The following CADM1 variants were observed in gnomAD, a reference collection of about 807,000 sequenced individuals.
CADM1 encodes cell adhesion molecule 1.
CADM1 carries 15 observed loss-of-function variants against 53.1 expected under a neutral mutation model. That is an observed-to-expected ratio of 0.28 (90% CI 0.19 to 0.44). CADM1 has a LOEUF of 0.44. Among genes scored for constraint, CADM1 ranks in the 20% least tolerant of loss-of-function variants. CADM1 has a pLI of 1.00. For missense variants in CADM1, 434 were observed against 611.3 expected (o/e 0.71, Z 3.06); for synonymous variants, 281 against 243.0 (o/e 1.16, Z -1.45).
chr11:115,370,736 T>G (rs926887657), intron 1 of CADM1, among the ~76,000 whole-genome samples: 2 of 152,152 alleles, frequency 1.3e-5, no homozygotes, highest in African/African-American at 4.8e-5. Context: ...ACAGCTACAC[T>G]ATCTGTACAG....
intron 1 of CADM1, among the ~76,000 whole-genome samples, chr11:115,251,372 G>A (rs533855253): frequency 6.6e-6 from 1 of 151,144 alleles, no homozygotes; most frequent in African/African-American, 2.4e-5. Flanking sequence ...AGCAAGTAAG[G>A]ATATCAGTTG....
At chr11:115,459,194 G>T (rs943174743) in intron 1 of CADM1, among the ~76,000 whole-genome samples, 2 of 152,066 alleles carry the variant, frequency 1.3e-5, no homozygotes. Flanking sequence ...TCTGTATTCC[G>T]GTCAGTGATC....
At chr11:115,367,768 A>AG (rs1350791450) in intron 1 of CADM1, among the ~76,000 whole-genome samples, 4 of 152,060 alleles carry the variant, frequency 2.6e-5, no homozygotes, top group Admixed American at 2.6e-4. Context: ...AGAATTTCTT[A>AG]GAAAAAAAAA....
chr11:115,211,011 C>G (rs979680561), intron 7 of CADM1, among the ~76,000 whole-genome samples: 1 of 151,170 alleles, frequency 6.6e-6, no homozygotes, highest in Non-Finnish European at 1.5e-5. Context: ...TTTAAAGCAG[C>G]CTCACGTGAG....
Position 115,238,621 on chromosome 11 carries a change from A to G in CADM1, c.303T>C (p.Asn101=). The G allele has an allele frequency of 6.2e-7, 1 of 1,613,944 alleles. No homozygotes were observed. The highest frequency in any genetic ancestry group is 8.5e-7 in the Non-Finnish European group (1 of 1,179,854). Residue 101 remains asparagine, a synonymous_variant, in exon 3 of 12, where the codon AAT becomes AAC. Transcript: ENST00000331581. ...PLKDSRFQLL[N]FSSSELKVSL... Reference sequence around the variant, plus strand: ...ATACTTTGAGTTCACTGCTAGAAAAATTCAGCAACTGAAACCTGCTGTCCT... The same window carrying G: ...ATACTTTGAGTTCACTGCTAGAAAAGTTCAGCAACTGAAACCTGCTGTCCT...
intron 1 of CADM1, among the ~76,000 whole-genome samples, chr11:115,242,164 CA>C (rs1249870462): frequency 1.3e-5 from 2 of 151,622 alleles, no homozygotes; most frequent in Non-Finnish European, 2.9e-5. Context: ...AGGAGCAGAC[CA>C]AAATGAAACC....
chr11:115,370,477 T>TA (rs1210006056), intron 1 of CADM1, among the ~76,000 whole-genome samples: 14 of 152,026 alleles, frequency 9.2e-5, no homozygotes, highest in Admixed American at 2.0e-4. Flanking sequence ...TTAGTGCCCT[T>TA]AAAAAAAGAG....
intron 5 of CADM1, among the ~76,000 whole-genome samples, chr11:115,224,136 C>T (rs958951226): frequency 2.6e-5 from 4 of 152,048 alleles, no homozygotes; most frequent in Non-Finnish European, 5.9e-5. Flanking sequence ...TCCTCCACTC[C>T]AAATAGGAAA....
chr11:115,472,883 A>G (rs1949046803), intron 1 of CADM1, among the ~76,000 whole-genome samples: 1 of 152,208 alleles, frequency 6.6e-6, no homozygotes, highest in Non-Finnish European at 1.5e-5. Context: ...AGAAAGCGAA[A>G]AAAAACCTTA....
At chr11:115,477,003 G>T (rs968841833) in intron 1 of CADM1, among the ~76,000 whole-genome samples, 1 of 152,030 alleles carries the variant, frequency 6.6e-6, no homozygotes, top group Non-Finnish European at 1.5e-5. Flanking sequence ...GCCACATCCA[G>T]CATTTCTTTA....
intron 1 of CADM1, among the ~76,000 whole-genome samples, chr11:115,357,324 G>T (rs1286988771): frequency 1.3e-5 from 2 of 152,166 alleles, no homozygotes; most frequent in Admixed American, 6.5e-5. Flanking sequence ...GAAGGAAAAA[G>T]ATTTTCCCAG....
At chr11:115,404,346 A>ATAT (rs1209266332) in intron 1 of CADM1, among the ~76,000 whole-genome samples, 4 of 33,782 alleles carry the variant, frequency 1.2e-4, no homozygotes, top group East Asian at 2.0e-3. Flanking sequence ...AAAAAAAAAA[A>ATAT]ATATATATAT....
At chr11:115,400,546 T>C (rs1004277194) in intron 1 of CADM1, among the ~76,000 whole-genome samples, 3 of 145,780 alleles carry the variant, frequency 2.1e-5, no homozygotes, top group Non-Finnish European at 4.5e-5. Flanking sequence ...CAGACCTACA[T>C]ATATATATGG....
At chr11:115,340,326 T>G (rs191226341) in intron 1 of CADM1, 38 of 152,180 alleles carry the variant, frequency 2.5e-4, no homozygotes, top group African/African-American at 9.2e-4. Flanking sequence ...CTCTGTTCCA[T>G]CTTTGATCAC....
intron 1 of CADM1, among the ~76,000 whole-genome samples, chr11:115,288,944 C>T (rs1943802783): frequency 6.6e-6 from 1 of 152,140 alleles, no homozygotes; most frequent in South Asian, 2.1e-4. Context: ...TGCCCTCCTC[C>T]CTCCTGTTCC....
chr11:115,253,219 A>C (rs553861150), intron 1 of CADM1, among the ~76,000 whole-genome samples: 7 of 152,212 alleles, frequency 4.6e-5, no homozygotes, highest in African/African-American at 1.7e-4. Flanking sequence ...AGCTGGCCCT[A>C]AACAGTCTTA....
chr11:115,494,897 T>C (rs1355476574), intron 1 of CADM1, among the ~76,000 whole-genome samples: 1 of 152,184 alleles, frequency 6.6e-6, no homozygotes, highest in Non-Finnish European at 1.5e-5. Context: ...TAATCTTAAC[T>C]GGGTATTCCA....
chr11:115,300,841 C>G (rs1368623550), intron 1 of CADM1, among the ~76,000 whole-genome samples: 2 of 152,072 alleles, frequency 1.3e-5, no homozygotes, highest in Non-Finnish European at 2.9e-5. Flanking sequence ...CATGTAGGCT[C>G]TGGTCATAAA....
At chr11:115,361,733 A>ATTT (rs568652718) in intron 1 of CADM1, among the ~76,000 whole-genome samples, 5 of 147,122 alleles carry the variant, frequency 3.4e-5, no homozygotes, top group African/African-American at 1.2e-4. Context: ...TATTATTATT[A>ATTT]TTTTTTTTTT....
Sources: gnomAD v4.1 joint callset for allele counts (sites outside exome capture counted in the v4.1 genomes callset) on GRCh38, gnomAD v4.1.1 for gene constraint, MANE v1.5 for transcripts, NCBI Gene and HGNC (gene_info 2026-07-23, HGNC 2026-07-21) for gene names.